The following PAX8 variants were observed in gnomAD, a reference collection of about 807,000 sequenced individuals.
The protein encoded by PAX8 is paired box protein Pax-8.
PAX8 carries 15 observed loss-of-function variants against 52.4 expected under a neutral mutation model. The observed-to-expected ratio is 0.29, with a 90% CI of 0.19 to 0.44. The LOEUF is 0.44. Among genes scored for constraint, PAX8 ranks in the 20% least tolerant of loss-of-function variants. The probability of loss-of-function intolerance (pLI) is 1.00; values close to 1 mark genes in which losing one functional copy is unlikely to be tolerated. For synonymous variants in PAX8, 284 were observed against 249.7 expected (o/e 1.14, Z -1.29); for missense variants, 554 against 602.5 (o/e 0.92, Z 0.84).
intron 2 of PAX8, among the ~76,000 whole-genome samples, chr2:113,256,873 G>C (rs1024601874): frequency 1.3e-5 from 2 of 152,034 alleles, no homozygotes; most frequent in African/African-American, 4.8e-5. Context: ...TGTGCCAAGT[G>C]ATCTAAATAA....
Position 113,242,694 on chromosome 2 carries a change from C to T in PAX8, c.474G>A (p.Thr158=), listed in dbSNP as rs766794655. The T allele has an allele frequency of 1.6e-5, 25 of 1,609,900 alleles. No individual in the cohort carries two copies. The highest frequency in any genetic ancestry group is 1.0e-4 in the Admixed American group (6 of 59,986). ...VATKSLSPGH[T]LIPSSAVTPP... is the part of the protein sequence containing the mutation. Reference sequence around the variant, plus strand: ...TCCAGGTCTCTCAGCACTCACTCAGCGTGTGTCCGGGACTCAGGGACTTGG... The same window carrying T: ...TCCAGGTCTCTCAGCACTCACTCAGTGTGTGTCCGGGACTCAGGGACTTGG... The change falls in exon 5 of 12, where the codon ACG becomes ACA. Residue 158 remains threonine (T), a synonymous_variant. Transcript: ENST00000429538.
chr2:113,258,046 G>A (rs751066882), intron 2 of PAX8, among the ~76,000 whole-genome samples: 5 of 152,056 alleles, frequency 3.3e-5, no homozygotes, highest in Non-Finnish European at 7.4e-5. Flanking sequence ...CACCTCCGGC[G>A]CCACCCCTGG....
In PAX8 at chr2:113,216,542, A is replaced by G. The variant is rs913890210; in HGVS notation, c.*1991T>C. On this transcript the variant is annotated 3_prime_UTR_variant, in exon 12 of 12. Coordinates refer to ENST00000429538, the MANE Select transcript of PAX8 (RefSeq NM_003466.4). ...CATGGAGAAGGTCCATGTGGACACCAGACAGCCCCCTGGAGTGCAGAGCCC... is the reference window on the plus strand; with the variant it reads ...CATGGAGAAGGTCCATGTGGACACCGGACAGCCCCCTGGAGTGCAGAGCCC... 14 of 229,902 alleles carry G rather than the reference A, an allele frequency of 6.1e-5. No homozygotes were observed. The highest frequency in any genetic ancestry group is 2.7e-4 in the African/African-American group (12 of 45,164). The allele number at this position is 229,902 out of a possible 1,614,324, so 14.2% of individuals were successfully genotyped here. A position where few individuals can be genotyped will look rare whatever the true frequency, so the allele number is the denominator to read the frequency against.
intron 2 of PAX8, chr2:113,274,610 G>A (rs1693679887): frequency 1.3e-5 from 2 of 152,018 alleles, no homozygotes; most frequent in Admixed American, 1.3e-4. Flanking sequence ...ATGTTCTGGA[G>A]GATGTGAATG....
intron 9 of PAX8, among the ~76,000 whole-genome samples, chr2:113,231,534 C>T (rs573621094): frequency 6.8e-4 from 88 of 129,090 alleles, no homozygotes; most frequent in African/African-American, 2.4e-3. Flanking sequence ...CAGAGAAAAA[C>T]GCTATGAAGT....
Position 113,216,276 on chromosome 2 carries a change from G to T in PAX8, c.*2257C>A. The T allele has an allele frequency of 4.3e-6, 1 of 231,680 alleles. No homozygotes were observed. The highest frequency in any genetic ancestry group is 2.2e-5 in the African/African-American group (1 of 45,374). 14.4% of individuals were successfully genotyped at this position (231,680 alleles called of 1,614,324 possible). On this transcript the variant is annotated 3_prime_UTR_variant, in exon 12 of 12. Transcript: ENST00000429538. The stretch of plus-strand genomic sequence containing the variant: ...ACCAGCCGCATCTCAGATCCCTTCA[G>T]AAGAGATGGATTTTCTTCCAGGAGG...
chr2:113,278,066 C>G (rs891729302), intron 2 of PAX8, among the ~76,000 whole-genome samples: 3 of 152,230 alleles, frequency 2.0e-5, no homozygotes, highest in Admixed American at 1.3e-4. Flanking sequence ...ACTAATGCGC[C>G]ATGCAAGGCT....
rs13015478 is a variant in PAX8, at chr2:113,242,159, G to A, written c.479-29C>T. The A allele has an allele frequency of 5.0e-6, 8 of 1,605,644 alleles. No homozygotes were observed. The African/African-American group carries it at 9.4e-5, about 19-fold the overall frequency. On this transcript the variant is annotated intron_variant, in intron 5 of 11. Transcript: ENST00000429538. ...CAGTGGGGGAGAGGGAGAGGGTCAG[G>A]GGTGGGAGTGACACCCCTCACAGCC...
chr2:113,259,854 T>A (rs1041067353), intron 2 of PAX8, among the ~76,000 whole-genome samples: 8 of 152,176 alleles, frequency 5.3e-5, no homozygotes, highest in Non-Finnish European at 1.0e-4. Flanking sequence ...ACACCAGGGC[T>A]GTGGAAGGGC....
At chr2:113,226,745 G>T in intron 10 of PAX8, 1 of 1,152,140 alleles carries the variant, frequency 8.7e-7, no homozygotes, top group Non-Finnish European at 1.1e-6. Context: ...ATTCATCAGA[G>T]TTAAATCACT....
chr2:113,242,452 C>G (rs572716740), intron 5 of PAX8, among the ~76,000 whole-genome samples: 1 of 152,222 alleles, frequency 6.6e-6, no homozygotes, highest in African/African-American at 2.4e-5. Context: ...GGGAGGGATT[C>G]TTGGAGTTAG....
In PAX8 at chr2:113,235,601, C is replaced by A; in HGVS notation, c.899-19G>T. ...TGAGGATCTGCCGGAGGGAGGGAGACAACAAGGAGAGAGGGGTGTGAGATG... is the reference window on the plus strand; with the variant it reads ...TGAGGATCTGCCGGAGGGAGGGAGAAAACAAGGAGAGAGGGGTGTGAGATG... On this transcript the variant is annotated intron_variant, in intron 8 of 11. Coordinates refer to ENST00000429538, the MANE Select transcript of PAX8 (RefSeq NM_003466.4). The A allele has an allele frequency of 1.9e-6, 3 of 1,593,744 alleles. No individual in the cohort carries two copies. The highest frequency in any genetic ancestry group is 1.1e-5 in the South Asian group (1 of 88,654).
chr2:113,270,379 G>C (rs1693384378), intron 2 of PAX8: 1 of 152,172 alleles, frequency 6.6e-6, no homozygotes, highest in South Asian at 2.1e-4. Context: ...TAAAGGGGAA[G>C]TACAAGCCCA....
At chr2:113,262,595 A>G (rs1558748216) in intron 2 of PAX8, among the ~76,000 whole-genome samples, 1 of 152,156 alleles carries the variant, frequency 6.6e-6, no homozygotes, top group East Asian at 1.9e-4. Flanking sequence ...GTCTCCACCC[A>G]CCACCCTAGC....
chr2:113,218,474 G>T lies in PAX8; in HGVS notation c.*59C>A. 2.1e-6 allele frequency: 2 copies of T among 966,862 alleles called. No individual in the cohort carries two copies. The highest frequency in any genetic ancestry group is 1.5e-6 in the Non-Finnish European group (1 of 649,364). 59.9% of individuals were successfully genotyped at this position (966,862 alleles called of 1,614,324 possible). On this transcript the variant is annotated 3_prime_UTR_variant, in exon 12 of 12. Transcript: ENST00000429538. The stretch of plus-strand genomic sequence containing the variant: ...AAAGATTCCTTTGTGTGACTCTCTG[G>T]GGCCTGTCCCAGGCTGAGTCCTCCT...
intron 2 of PAX8, among the ~76,000 whole-genome samples, chr2:113,249,014 G>T (rs950287935): frequency 3.3e-5 from 5 of 152,168 alleles, no homozygotes; most frequent in African/African-American, 9.7e-5. Context: ...CTCTGCCCTG[G>T]GCAGTAAGTC....
intron 2 of PAX8, chr2:113,259,126 C>A (rs899263159): frequency 2.6e-5 from 4 of 152,514 alleles, no homozygotes; most frequent in Admixed American, 2.6e-4. Context: ...TTCTGGAGGT[C>A]TCTTCACGCT....
rs951670105 is a variant in PAX8 at position 113,216,142 on chromosome 2, T to C, written c.*2391A>G. 8.7e-6 allele frequency: 2 copies of C among 229,242 alleles called. No homozygotes were observed. Among genetic ancestry groups the C allele is most frequent in the Non-Finnish European group, 1.7e-5 (2 of 115,636 alleles). The allele number at this position is 229,242 out of a possible 1,614,324, so 14.2% of individuals were successfully genotyped here. ...GCTCCTTGGGATGCTGTGCTCAAAG[T>C]GATTCTTGGGTAGGGAGCCCTCGGG... On this transcript the variant is annotated 3_prime_UTR_variant, in exon 12 of 12. Coordinates refer to ENST00000429538, the MANE Select transcript of PAX8 (RefSeq NM_003466.4).
At chr2:113,226,142 A>G in intron 10 of PAX8, 1 of 985,054 alleles carries the variant, frequency 1.0e-6, no homozygotes, top group South Asian at 4.7e-5. Flanking sequence ...ATCCCAGCCC[A>G]CCTGCCTCTG....
Sources: allele counts gnomAD v4.1 joint callset (sites outside exome capture counted in the v4.1 genomes callset), GRCh38; gene constraint gnomAD v4.1.1; transcripts MANE v1.5; gene names NCBI Gene and HGNC (gene_info 2026-07-23, HGNC 2026-07-21).